The following NUP88 variants were observed in gnomAD, a reference collection of about 807,000 sequenced individuals.
NUP88 encodes the protein nucleoporin 88.
NUP88 carries 57 observed loss-of-function variants against 93.9 expected under a neutral mutation model. The ratio of observed to expected loss-of-function variants is 0.61; its 90% CI spans 0.49 to 0.76. The LOEUF is 0.76. NUP88 is among the 30% of genes least tolerant of loss of function. The pLI is 0.00. For missense variants in NUP88, 911 were observed against 901.0 expected (o/e 1.01, Z -0.14); for synonymous variants, 346 against 336.8 (o/e 1.03, Z -0.30).
rs745622192 is a variant in NUP88 at position 5,414,061 on chromosome 17, T to C, written c.541A>G (p.Ser181Gly). Residue 181 changes from serine to glycine, a missense_variant, in exon 3 of 17, where the codon AGT becomes GGT. Transcript: ENST00000573584. ...LTLKHAAWYPSEILDPHVVLL... is the reference protein window; with the variant it reads ...LTLKHAAWYPGEILDPHVVLL... ...ACTACGTGGGGATCCAGGATTTCAC[T>C]TGGATACCATGCAGCATGCTTTAGA... 9.3e-6 allele frequency: 15 copies of C among 1,613,362 alleles called. No individual in the cohort carries two copies. Among genetic ancestry groups the C allele is most frequent in the Admixed American group, 6.7e-5 (4 of 60,008 alleles).
At chr17:5,392,717 A>G (rs1220346395) in intron 9 of NUP88, among the ~76,000 whole-genome samples, 3 of 152,192 alleles carry the variant, frequency 2.0e-5, no homozygotes, top group Non-Finnish European at 2.9e-5. Flanking sequence ...TTTGCTTTAT[A>G]GTTTTCCTAT....
chr17:5,393,098 G>GC (rs1253918583), intron 9 of NUP88, among the ~76,000 whole-genome samples: 1 of 148,798 alleles, frequency 6.7e-6, no homozygotes, highest in Non-Finnish European at 1.5e-5. Flanking sequence ...GATTACAGGT[G>GC]CCCGCCACTA....
rs1465941339 is a variant in NUP88, at chr17:5,386,247, C to T, written c.2185G>A (p.Val729Met). The change falls in exon 17 of 17, where the codon GTG becomes ATG. Residue 729 changes from valine to methionine, a missense_variant. Coordinates refer to ENST00000573584, the MANE Select transcript of NUP88 (RefSeq NM_002532.6). ...KEEGEHIREMVKQINDIRNHV... is the reference protein window; with the variant it reads ...KEEGEHIREMMKQINDIRNHV... The stretch of plus-strand genomic sequence containing the variant: ...TTGCGGATATCATTGATTTGCTTCA[C>T]CATTTCCCTTATATGTTCACCCCTG... 8.7e-6 allele frequency: 14 copies of T among 1,612,906 alleles called. No individual in the cohort carries two copies. The highest frequency in any genetic ancestry group is 2.7e-5 in the African/African-American group (2 of 74,878).
At chr17:5,404,311 C>A in intron 6 of NUP88, 65 bp from the exon 7 acceptor site, 1 of 1,574,140 alleles carries the variant, frequency 6.4e-7, no homozygotes, top group East Asian at 2.3e-5. Flanking sequence ...CAATTAAAAA[C>A]AGGCAAAAAG....
At chr17:5,398,630 G>A (rs1316054759) in intron 8 of NUP88, among the ~76,000 whole-genome samples, 10 of 144,360 alleles carry the variant, frequency 6.9e-5, no homozygotes, top group Middle Eastern at 3.7e-3. Flanking sequence ...TCGCTCTGTC[G>A]CCTGGGCTGG....
chr17:5,413,473 A>G (rs966111457), intron 3 of NUP88, among the ~76,000 whole-genome samples: 5 of 152,202 alleles, frequency 3.3e-5, no homozygotes, highest in African/African-American at 2.4e-5. Context: ...AACTTTTTAC[A>G]TAAGGCCGAT....
intron 1 of NUP88, among the ~76,000 whole-genome samples, chr17:5,418,473 C>T (rs1029143468): frequency 6.6e-6 from 1 of 152,090 alleles, no homozygotes; most frequent in Admixed American, 6.5e-5. Context: ...AGGCTGGTCT[C>T]GAATTCCTGA....
intron 6 of NUP88, 97 bp downstream of exon 6, chr17:5,404,960 T>TTTATG: frequency 9.6e-7 from 1 of 1,043,852 alleles, no homozygotes. Context: ...GTTCCATAAG[T>TTTATG]AAGTTAAAAT....
chr17:5,405,557 C>T (rs1209998210), intron 5 of NUP88, among the ~76,000 whole-genome samples: 1 of 152,124 alleles, frequency 6.6e-6, no homozygotes, highest in African/African-American at 2.4e-5. Flanking sequence ...TAAACATTCC[C>T]GCACAGCACA....
At chr17:5,400,098 G>A (rs1221161320) in intron 7 of NUP88, among the ~76,000 whole-genome samples, 3 of 130,268 alleles carry the variant, frequency 2.3e-5, no homozygotes, top group East Asian at 2.9e-4. Flanking sequence ...AAATGGTGCC[G>A]ATAGACTTGC....
At chr17:5,393,909 A>C (rs1912606476) in intron 9 of NUP88, among the ~76,000 whole-genome samples, 1 of 152,140 alleles carries the variant, frequency 6.6e-6, no homozygotes, top group Non-Finnish European at 1.5e-5. Context: ...TGAGATATCT[A>C]GTAATTGATG....
chr17:5,389,889 G>A (rs908982478), intron 10 of NUP88, among the ~76,000 whole-genome samples: 1 of 151,474 alleles, frequency 6.6e-6, no homozygotes, highest in Non-Finnish European at 1.5e-5. Flanking sequence ...TAATTGGCCT[G>A]GCACGGTGGC....
chr17:5,397,573 G>A (rs189006746), intron 8 of NUP88, among the ~76,000 whole-genome samples: 87 of 152,264 alleles, frequency 5.7e-4, no homozygotes, highest in Middle Eastern at 3.4e-3. Context: ...TTTCAGAAAG[G>A]AAAACTGCTG....
chr17:5,397,418 T>C (rs1312678958), intron 8 of NUP88, among the ~76,000 whole-genome samples: 1 of 152,140 alleles, frequency 6.6e-6, no homozygotes, highest in East Asian at 1.9e-4. Context: ...CACAAGTTTC[T>C]TTAAAAGTGA....
In NUP88 at chr17:5,399,631, T is replaced by C. The variant is rs755618105; in HGVS notation, c.1212A>G (p.Arg404=). ...CACCAGCTTCATGAGTACAGTGATATCTTGAAGGACACTTGGGATCTGCAA... is the reference window on the plus strand; with the variant it reads ...CACCAGCTTCATGAGTACAGTGATACCTTGAAGGACACTTGGGATCTGCAA... ...KLHRDPKCPS[R]YHCTHEAGVH... Residue 404 remains arginine, a synonymous_variant, in exon 8 of 17, where the codon AGA becomes AGG. Transcript: ENST00000573584. The C allele has an allele frequency of 8.7e-6, 14 of 1,600,412 alleles. No individual in the cohort carries two copies. Among genetic ancestry groups the C allele is most frequent in the Non-Finnish European group, 1.2e-5 (14 of 1,169,944 alleles).
In NUP88 at chr17:5,404,305, TA is replaced by T; in HGVS notation, c.1045-60del. ...ATGTTAATTTGAAAATGTACACAAT[TA>T]AAAACAGGCAAAAAGCTGGGTCAGG... On this transcript the variant is annotated intron_variant, in intron 6 of 16. Transcript: ENST00000573584. 6 of 1,581,364 alleles carry T rather than the reference TA, an allele frequency of 3.8e-6. 1 individual carries two copies. The South Asian group carries it at 6.7e-5, about 18-fold the overall frequency.
At chr17:5,416,414 G>A in intron 2 of NUP88, 99 bp downstream of exon 2, 1 of 772,436 alleles carries the variant, frequency 1.3e-6, no homozygotes, top group Non-Finnish European at 2.0e-6. Flanking sequence ...GTGTTTTAAT[G>A]TTTTAAGAGT....
rs923088763 is a variant in NUP88 at position 5,413,267 on chromosome 17, C to T, written c.593+742G>A. ...GATTACAGGTGTGAGCCACTGCAAC[C>T]AGCCAAGATGAGTTTTAAACTGGAC... On this transcript the variant is annotated intron_variant, in intron 3 of 16. Coordinates refer to ENST00000573584, the MANE Select transcript of NUP88 (RefSeq NM_002532.6). Among the ~76,000 whole-genome samples the T allele has an allele frequency of 2.0e-5, 3 of 152,176 alleles. No individual in the cohort carries two copies. The East Asian group carries it at 5.8e-4, about 29-fold the overall frequency.
chr17:5,396,800 C>T (rs75796359), intron 8 of NUP88, among the ~76,000 whole-genome samples: 1 of 152,140 alleles, frequency 6.6e-6, no homozygotes, highest in Non-Finnish European at 1.5e-5. Context: ...TGTTAATGTC[C>T]ATCTTTTTCA....
Sources: allele counts gnomAD v4.1 joint callset (sites outside exome capture counted in the v4.1 genomes callset), GRCh38; gene constraint gnomAD v4.1.1; transcripts MANE v1.5; gene names NCBI Gene and HGNC (gene_info 2026-07-23, HGNC 2026-07-21).